Variants in RBMS3 observed in about 807,000 individuals in gnomAD.
RBMS3 encodes RNA binding motif single stranded interacting protein 3.
Under a neutral mutation model 66.8 loss-of-function variants are expected in RBMS3, and 27 were observed. The observed-to-expected ratio is 0.40, with a 90% CI of 0.30 to 0.56. The LOEUF is 0.56. Ranked by LOEUF, RBMS3 falls within the 20% of genes least tolerant of loss-of-function variation. The pLI, the probability that RBMS3 is intolerant of heterozygous loss-of-function variation, is 0.40. For synonymous variants in RBMS3, 188 were observed against 183.0 expected, an observed-to-expected ratio of 1.03 and a Z score of -0.22; for missense variants, 513 against 549.5, an observed-to-expected ratio of 0.93 and a Z score of 0.66.
chr3:29,658,007 G>A (rs139927634), intron 4 of RBMS3, among the ~76,000 whole-genome samples: 71 of 152,282 alleles, frequency 4.7e-4, no homozygotes, highest in African/African-American at 1.7e-3. Context: ...TCTTTAGGCC[G>A]TAGAGTGTAG....
At chr3:29,979,913 T>C (rs1413222682) in intron 12 of RBMS3, among the ~76,000 whole-genome samples, 1 of 152,228 alleles carries the variant, frequency 6.6e-6, no homozygotes, top group African/African-American at 2.4e-5. Flanking sequence ...CATGTGTCTT[T>C]ACAGTAGAAA....
chr3:29,647,646 G>T (rs985737419), intron 4 of RBMS3, among the ~76,000 whole-genome samples: 9 of 152,084 alleles, frequency 5.9e-5, no homozygotes, highest in African/African-American at 2.2e-4. Context: ...CATATCTCTC[G>T]CAGGCTGGGT....
At chr3:29,389,365 C>T (rs1186666736) in intron 1 of RBMS3, among the ~76,000 whole-genome samples, 1 of 152,168 alleles carries the variant, frequency 6.6e-6, no homozygotes, top group Non-Finnish European at 1.5e-5. Context: ...TCTTCTGCTG[C>T]AGAAGTGCGC....
intron 3 of RBMS3, among the ~76,000 whole-genome samples, chr3:29,508,771 C>A (rs1016597005): frequency 2.0e-4 from 30 of 151,728 alleles, no homozygotes; most frequent in African/African-American, 6.8e-4. Context: ...TGAGAAATCA[C>A]CACACTGTCT....
At chr3:29,968,196 G>C (rs952088445) in intron 12 of RBMS3, among the ~76,000 whole-genome samples, 7 of 147,340 alleles carry the variant, frequency 4.8e-5, no homozygotes, top group African/African-American at 7.3e-5. Context: ...CTGCCCACCC[G>C]GCCTGCCCCC....
rs1027020391 is a variant in RBMS3, at chr3:29,852,962, T to C, written c.638-15896T>C. Among the ~76,000 whole-genome samples, 4 of 152,222 alleles carry C rather than the reference T, an allele frequency of 2.6e-5. 1 individual carries two copies. In the South Asian group the frequency reaches 8.3e-4, roughly 32 times the overall value. On this transcript the variant is annotated intron_variant, in intron 6 of 14. Transcript: ENST00000383767. ...ACAAAAATGTGGTACAGATACATCA[T>C]GGAATACTATGCAGCCATAAACAAG...
At chr3:29,918,705 T>C (rs2060698308) in intron 10 of RBMS3, among the ~76,000 whole-genome samples, 1 of 152,160 alleles carries the variant, frequency 6.6e-6, no homozygotes, top group Non-Finnish European at 1.5e-5. Flanking sequence ...AAATTCTATG[T>C]AAGTATCTAA....
intron 1 of RBMS3, among the ~76,000 whole-genome samples, chr3:29,359,758 T>C (rs2037451868): frequency 6.6e-6 from 1 of 152,178 alleles, no homozygotes; most frequent in South Asian, 2.1e-4. Context: ...TTCAACTTCT[T>C]CCTGGTTTAG....
intron 11 of RBMS3, 69 bp downstream of exon 11, chr3:29,936,265 G>A (rs1054033136): frequency 8.0e-6 from 11 of 1,368,784 alleles, no homozygotes; most frequent in African/African-American, 2.9e-5. Flanking sequence ...CATTTTTACT[G>A]GCATTATCAG....
chr3:29,604,632 C>T lies in RBMS3; in HGVS notation c.399+17427C>T, dbSNP rs550620248. ...AATAGATATCATGCTACAGTACCTG[C>T]AAATGAGCTCAGATATTAAATTTTT... On this transcript the variant is annotated intron_variant, in intron 4 of 14. Transcript: ENST00000383767. Among the ~76,000 whole-genome samples, 28 of 152,100 alleles carry T rather than the reference C, an allele frequency of 1.8e-4. No individual in the cohort carries two copies. In the South Asian group the frequency reaches 5.6e-3, roughly 30 times the overall value.
At chr3:29,451,575 T>TGG (rs5847571) in intron 2 of RBMS3, among the ~76,000 whole-genome samples, 1 of 151,274 alleles carries the variant, frequency 6.6e-6, no homozygotes, top group Non-Finnish European at 1.5e-5. Flanking sequence ...ATTTTGTGGT[T>TGG]TTTGTTTTTT....
intron 3 of RBMS3, among the ~76,000 whole-genome samples, chr3:29,500,735 G>A (rs80322605): frequency 0.025 from 3,841 of 152,016 alleles, 169 homozygotes; most frequent in African/African-American, 0.088. Context: ...AAACTGTGGT[G>A]TTTGCACAAT....
In RBMS3 at chr3:29,662,767, G is replaced by T. The variant is rs562139973; in HGVS notation, c.399+75562G>T. Among the ~76,000 whole-genome samples, 3 of 152,318 alleles carry T rather than the reference G, an allele frequency of 2.0e-5. No homozygotes were observed. In the South Asian group the frequency reaches 6.2e-4, roughly 32 times the overall value. On this transcript the variant is annotated intron_variant, in intron 4 of 14. Coordinates refer to ENST00000383767, the MANE Select transcript of RBMS3 (RefSeq NM_001003793.3). ...GAAACCAGCAGTGAGAGACATGGCAGTATAGACATTTCAAGAAGAATGAGT... is the reference window on the plus strand; with the variant it reads ...GAAACCAGCAGTGAGAGACATGGCATTATAGACATTTCAAGAAGAATGAGT...
chr3:29,847,889 CTCGTG>C (rs2058828203), intron 6 of RBMS3, among the ~76,000 whole-genome samples: 1 of 152,100 alleles, frequency 6.6e-6, no homozygotes, highest in Non-Finnish European at 1.5e-5. Flanking sequence ...ATCTCCTGAC[CTCGTG>C]ATCCGCCCGC....
chr3:29,602,431 C>G (rs1225602142), intron 4 of RBMS3, among the ~76,000 whole-genome samples: 1 of 151,940 alleles, frequency 6.6e-6, no homozygotes, highest in Non-Finnish European at 1.5e-5. Flanking sequence ...CAATCCCAGC[C>G]AAATGATTTG....
At chr3:29,891,853 T>A (rs1435034679) in intron 8 of RBMS3, among the ~76,000 whole-genome samples, 2 of 151,548 alleles carry the variant, frequency 1.3e-5, no homozygotes, top group African/African-American at 4.8e-5. Flanking sequence ...CAATACCTTA[T>A]TAATCTTGTA....
chr3:29,584,144 A>G (rs1187428735), intron 3 of RBMS3, among the ~76,000 whole-genome samples: 2 of 152,098 alleles, frequency 1.3e-5, no homozygotes, highest in Admixed American at 6.6e-5. Flanking sequence ...TCATGTTTCT[A>G]AAGACACTGG....
chr3:29,554,551 A>G (rs1370610772), intron 3 of RBMS3, among the ~76,000 whole-genome samples: 1 of 152,212 alleles, frequency 6.6e-6, no homozygotes. Flanking sequence ...AAACATGACC[A>G]GTGATATGCT....
chr3:29,363,819 GT>G (rs1238716080), intron 1 of RBMS3, among the ~76,000 whole-genome samples: 2 of 149,102 alleles, frequency 1.3e-5, no homozygotes, highest in Non-Finnish European at 3.0e-5. Context: ...AAAAAAACCT[GT>G]TTTTTAGCAA....
Sources: gnomAD v4.1 joint callset for allele counts (sites outside exome capture counted in the v4.1 genomes callset) on GRCh38, gnomAD v4.1.1 for gene constraint, MANE v1.5 for transcripts, NCBI Gene and HGNC (gene_info 2026-07-23, HGNC 2026-07-21) for gene names.